Variants in ERBB4 observed in about 807,000 individuals in gnomAD.
The protein encoded by ERBB4 is receptor tyrosine-protein kinase erbB-4.
Under a neutral mutation model 158.0 loss-of-function variants are expected in ERBB4, and 42 were observed. That is an observed-to-expected ratio of 0.27 (90% CI 0.21 to 0.34). The LOEUF (loss-of-function observed/expected upper bound fraction) is 0.34. ERBB4 is among the 10% of genes least tolerant of loss of function. ERBB4 has a pLI of 1.00. For synonymous variants in ERBB4, 583 were observed against 558.7 expected (o/e 1.04, Z -0.61); for missense variants, 1,333 against 1,624.1 (o/e 0.82, Z 3.08).
At chr2:212,394,423 T>C (rs560556376) in intron 1 of ERBB4, among the ~76,000 whole-genome samples, 1 of 152,078 alleles carries the variant, frequency 6.6e-6, no homozygotes, top group African/African-American at 2.4e-5. Context: ...TTTGTCAACA[T>C]GAAAATTCAA....
chr2:211,657,313 A>G (rs1400811313), intron 16 of ERBB4, among the ~76,000 whole-genome samples: 2 of 152,122 alleles, frequency 1.3e-5, no homozygotes, highest in Non-Finnish European at 2.9e-5. Context: ...GTTTGAGACC[A>G]GCCTGGCCAA....
At chr2:212,344,535 T>C (rs1225362381) in intron 1 of ERBB4, among the ~76,000 whole-genome samples, 2 of 152,020 alleles carry the variant, frequency 1.3e-5, no homozygotes, top group African/African-American at 2.4e-5. Flanking sequence ...TGTATATATA[T>C]ACACACACAT....
intron 1 of ERBB4, among the ~76,000 whole-genome samples, chr2:212,161,755 A>G (rs921153438): frequency 6.6e-6 from 1 of 151,898 alleles, no homozygotes; most frequent in Non-Finnish European, 1.5e-5. Flanking sequence ...CATATATAGT[A>G]TAAGAATTCA....
chr2:212,071,321 A>G (rs2078110811), intron 2 of ERBB4, among the ~76,000 whole-genome samples: 1 of 151,884 alleles, frequency 6.6e-6, no homozygotes, highest in Non-Finnish European at 1.5e-5. Context: ...ATGAAAAAAA[A>G]AAAACCCACT....
intron 19 of ERBB4, among the ~76,000 whole-genome samples, chr2:211,608,933 C>T (rs1299198099): frequency 2.0e-5 from 3 of 152,108 alleles, no homozygotes; most frequent in Non-Finnish European, 4.4e-5. Context: ...GAATCACTTT[C>T]TAAACATTAA....
At chr2:212,189,171 C>T (rs1051566100) in intron 1 of ERBB4, among the ~76,000 whole-genome samples, 2 of 151,606 alleles carry the variant, frequency 1.3e-5, no homozygotes, top group African/African-American at 4.8e-5. Context: ...CCAATGAGCA[C>T]TTCCTTTGAG....
chr2:212,477,139 T>C (rs1357212318), intron 1 of ERBB4, among the ~76,000 whole-genome samples: 2 of 152,088 alleles, frequency 1.3e-5, no homozygotes, highest in Non-Finnish European at 2.9e-5. Context: ...TGAACAATAA[T>C]AACTACTCAA....
chr2:212,371,341 C>T (rs1159500650), intron 1 of ERBB4, among the ~76,000 whole-genome samples: 1 of 152,202 alleles, frequency 6.6e-6, no homozygotes, highest in Non-Finnish European at 1.5e-5. Flanking sequence ...TCTGACAATA[C>T]TCTATCTAAA....
intron 1 of ERBB4, among the ~76,000 whole-genome samples, chr2:212,223,719 CTCT>C (rs967781783): frequency 7.9e-5 from 12 of 151,690 alleles, no homozygotes; most frequent in African/African-American, 2.9e-4. Flanking sequence ...GTTATTTACT[CTCT>C]TCTTAAAAAT....
intron 2 of ERBB4, among the ~76,000 whole-genome samples, chr2:212,093,653 G>C (rs1462628149): frequency 1.3e-5 from 2 of 152,168 alleles, no homozygotes; most frequent in East Asian, 3.9e-4. Flanking sequence ...TCGTATTTAG[G>C]GATTTTCATA....
At chr2:212,426,350 AAT>A (rs1379412560) in intron 1 of ERBB4, 2 of 434,042 alleles carry the variant, frequency 4.6e-6, no homozygotes, top group Non-Finnish European at 9.0e-6. Flanking sequence ...GCACCAACCT[AAT>A]AGTTATTAGA....
intron 2 of ERBB4, among the ~76,000 whole-genome samples, chr2:212,006,387 C>T (rs890717102): frequency 6.6e-6 from 1 of 152,000 alleles, no homozygotes; most frequent in Non-Finnish European, 1.5e-5. Flanking sequence ...TTAAGGTTCA[C>T]CTCAACGTTC....
chr2:212,192,693 C>A (rs2082308937), intron 1 of ERBB4, among the ~76,000 whole-genome samples: 1 of 152,136 alleles, frequency 6.6e-6, no homozygotes, highest in Non-Finnish European at 1.5e-5. Flanking sequence ...CTCAGGAGGT[C>A]TCACAGGAGT....
Position 212,321,060 on chromosome 2 carries a change from G to T in ERBB4, c.83-196157C>A, listed in dbSNP as rs572039719. On this transcript the variant is annotated intron_variant, in intron 1 of 27. Coordinates refer to ENST00000342788, the MANE Select transcript of ERBB4 (RefSeq NM_005235.3). ...CTCTCACTGTAGAGTTTTAATATGA[G>T]ATAATCACAGTGGAAAAGGAAACCG... Among the ~76,000 whole-genome samples, 27 of 150,212 alleles carry T rather than the reference G, an allele frequency of 1.8e-4. 2 individuals carry two copies. Among genetic ancestry groups the T allele is most frequent in the Non-Finnish European group, 1.5e-5 (1 of 66,942 alleles).
chr2:211,861,120 TA>T (rs1282056098), intron 3 of ERBB4, among the ~76,000 whole-genome samples: 1 of 22,398 alleles, frequency 4.5e-5, no homozygotes, highest in African/African-American at 2.3e-4. Flanking sequence ...TTTATATATA[TA>T]TTTTATATAT....
At chr2:211,905,450 T>C (rs1052990252) in intron 3 of ERBB4, among the ~76,000 whole-genome samples, 1 of 151,724 alleles carries the variant, frequency 6.6e-6, no homozygotes, top group Non-Finnish European at 1.5e-5. Context: ...CCATGTAACC[T>C]AACACAGGTT....
At position 212,286,594 on chromosome 2, in the gene ERBB4, C is replaced by CTT. The variant is rs71054190; in HGVS notation, c.83-161693_83-161692dup. 6.1e-3 allele frequency among the ~76,000 whole-genome samples: 341 copies of CTT among 55,518 alleles called. 20 individuals are homozygous for CTT. The highest frequency in any genetic ancestry group is 0.029 in the Middle Eastern group (2 of 68). 36.4% of individuals were successfully genotyped at this position (55,518 alleles called of 152,430 possible). A position where few individuals can be genotyped will look rare whatever the true frequency, so the allele number is the denominator to read the frequency against. ...AATGAGATGATTACATAAGTGCTGA[C>CTT]TTTTTTTTTTTTTTTTTTTTTTTTT... is the stretch of plus-strand genomic sequence containing the variant. On this transcript the variant is annotated intron_variant, in intron 1 of 27. Transcript: ENST00000342788.
At position 211,708,601 on chromosome 2, in the gene ERBB4, T is replaced by C. The variant is rs531847326; in HGVS notation, c.1125-3210A>G. 2.7e-5 allele frequency among the ~76,000 whole-genome samples: 4 copies of C among 148,922 alleles called. No homozygotes were observed. The South Asian group carries it at 8.5e-4, about 32-fold the overall frequency. On this transcript the variant is annotated intron_variant, in intron 9 of 27. Transcript: ENST00000342788. ...TTTTTTATTGATTTTCATTTCTCTC[T>C]GTTTCCATCCTTCTCTCTCTCTCTC...
intron 20 of ERBB4, among the ~76,000 whole-genome samples, chr2:211,514,177 T>C (rs1461021131): frequency 6.6e-6 from 1 of 152,128 alleles, no homozygotes; most frequent in Non-Finnish European, 1.5e-5. Flanking sequence ...TGTTCTATTC[T>C]CTACCTCCAT....
Sources: gnomAD v4.1 joint callset for allele counts (sites outside exome capture counted in the v4.1 genomes callset) on GRCh38, gnomAD v4.1.1 for gene constraint, MANE v1.5 for transcripts, NCBI Gene and HGNC (gene_info 2026-07-23, HGNC 2026-07-21) for gene names.